The following EXD3 variants were observed in gnomAD, a reference collection of about 807,000 sequenced individuals.
EXD3 encodes exonuclease mut-7 homolog.
EXD3 carries 92 observed loss-of-function variants against 98.0 expected under a neutral mutation model. The ratio of observed to expected loss-of-function variants is 0.94; its 90% CI spans 0.79 to 1.12. The LOEUF is 1.12. Among genes scored for constraint, EXD3 ranks in the 50% most tolerant of loss-of-function variants. The pLI, the probability that EXD3 is intolerant of heterozygous loss-of-function variation, is 0.00. For synonymous variants in EXD3, 569 were observed against 526.0 expected (o/e 1.08, Z -1.12); for missense variants, 1,222 against 1,191.6 (o/e 1.03, Z -0.38).
chr9:137,350,323 C>G (rs1182910886), intron 14 of EXD3, among the ~76,000 whole-genome samples: 2 of 48,796 alleles, frequency 4.1e-5, no homozygotes, highest in Non-Finnish European at 7.8e-5. Context: ...GTGGGGATCA[C>G]GGGGAAGGTT....
chr9:137,375,272 G>A (rs374319603), intron 3 of EXD3, among the ~76,000 whole-genome samples: 21 of 152,248 alleles, frequency 1.4e-4, no homozygotes, highest in African/African-American at 5.1e-4. Flanking sequence ...CTCCCAAAGT[G>A]CTGGGATTAC....
chr9:137,389,531 C>T (rs1019630652), intron 2 of EXD3, among the ~76,000 whole-genome samples: 1 of 152,122 alleles, frequency 6.6e-6, no homozygotes. Flanking sequence ...GCCCACCGTT[C>T]GATGCTGTGG....
chr9:137,353,627 G>A (rs1421897616), intron 10 of EXD3: 25 of 986,008 alleles, frequency 2.5e-5, no homozygotes, highest in Non-Finnish European at 3.0e-5. Context: ...GCCCAGCCCA[G>A]GAGCAGAGGC....
At chr9:137,392,818 G>A in intron 2 of EXD3, 1 of 374,442 alleles carries the variant, frequency 2.7e-6, no homozygotes, top group South Asian at 2.1e-5. Context: ...GGGGGGCGCC[G>A]TGTCTGTTCC....
intron 1 of EXD3, among the ~76,000 whole-genome samples, chr9:137,399,254 G>A (rs929163439): frequency 8.5e-5 from 13 of 152,312 alleles, no homozygotes; most frequent in African/African-American, 2.2e-4. Flanking sequence ...GGGAGACCCC[G>A]GGGCCGTGGC....
chr9:137,351,458 G>C lies in EXD3; in HGVS notation c.1244C>G (p.Ser415Ter). The change falls in exon 13 of 22, where the codon TCA (serine) becomes TGA (stop). Residue 415 changes from serine to a stop codon, truncating the protein, a stop_gained. Coordinates refer to ENST00000340951, the MANE Select transcript of EXD3 (RefSeq NM_017820.5). LOFTEE classifies it high-confidence loss of function. ...VFVAGGRPRP[S>*]LLQVAVEGHV... ...GCCCTCCACGGCCACCTGCAGGAGT[G>C]ACGGCCGAGGCCGGCCCCCAGCAAC... 2.5e-6 allele frequency: 4 copies of C among 1,602,856 alleles called. No homozygotes were observed. Among genetic ancestry groups the C allele is most frequent in the Non-Finnish European group, 3.4e-6 (4 of 1,176,136 alleles).
intron 19 of EXD3, among the ~76,000 whole-genome samples, chr9:137,312,401 G>T (rs1831411695): frequency 6.6e-6 from 1 of 152,186 alleles, no homozygotes; most frequent in Non-Finnish European, 1.5e-5. Flanking sequence ...CAGCCACTGG[G>T]TGCCAACAGC....
chr9:137,380,335 C>T (rs1836172699), intron 3 of EXD3, among the ~76,000 whole-genome samples: 1 of 92,036 alleles, frequency 1.1e-5, no homozygotes, highest in East Asian at 4.0e-4. Flanking sequence ...CTGCCAGTAT[C>T]CCCCCCCACC....
intron 1 of EXD3, among the ~76,000 whole-genome samples, chr9:137,399,893 C>T (rs533000218): frequency 1.2e-3 from 184 of 152,162 alleles, no homozygotes; most frequent in African/African-American, 4.3e-3. Flanking sequence ...AAAAAGCAGC[C>T]AGGCGTGGTG....
chr9:137,313,075 T>C (rs1489998789), intron 19 of EXD3, among the ~76,000 whole-genome samples: 2 of 152,048 alleles, frequency 1.3e-5, no homozygotes, highest in Admixed American at 6.5e-5. Context: ...CAGCTGCACA[T>C]AGCCCCTGCA....
chr9:137,374,800 T>C, intron 3 of EXD3: 1 of 985,508 alleles, frequency 1.0e-6, no homozygotes, highest in South Asian at 4.7e-5. Flanking sequence ...AAACAAAGCC[T>C]GAGCATCTCA....
rs953110919 is a variant in EXD3 at position 137,405,929 on chromosome 9, C to G, written c.-47-10525G>C. Among the ~76,000 whole-genome samples the G allele has an allele frequency of 6.6e-6, 1 of 152,204 alleles. No individual in the cohort carries two copies. The highest frequency in any genetic ancestry group is 2.1e-4 in the South Asian group (1 of 4,832). On this transcript the variant is annotated intron_variant, in intron 1 of 21. Coordinates refer to ENST00000340951, the MANE Select transcript of EXD3 (RefSeq NM_017820.5). This position sits in a 1 kb window ranked among gnomAD's most constrained non-coding sequence, Gnocchi z 4.1. The stretch of plus-strand genomic sequence containing the variant: ...TCTGTGCTCTGAAGAGTGAATAAAA[C>G]GTGAAACTGGCTGGGCACGGTGGCT...
intron 1 of EXD3, among the ~76,000 whole-genome samples, chr9:137,396,765 C>T (rs1025785573): frequency 1.3e-5 from 2 of 152,252 alleles, no homozygotes; most frequent in African/African-American, 2.4e-5. Flanking sequence ...ACGCAGGCTG[C>T]TCCAGACTCC....
At chr9:137,328,262 CAAA>C (rs1832596966) in intron 17 of EXD3, among the ~76,000 whole-genome samples, 2 of 124,068 alleles carry the variant, frequency 1.6e-5, no homozygotes, top group Non-Finnish European at 3.5e-5. Context: ...GTAAAAACAA[CAAA>C]TAAACACCCA....
chr9:137,328,340 T>C lies in EXD3; in HGVS notation c.1999-4197A>G, dbSNP rs201498824. Among the ~76,000 whole-genome samples, 31 of 142,302 alleles carry C rather than the reference T, an allele frequency of 2.2e-4. 6 individuals are homozygous for C. Among genetic ancestry groups the C allele is most frequent in the African/African-American group, 7.2e-4 (26 of 36,070 alleles). 93.4% of individuals were successfully genotyped at this position (142,302 alleles called of 152,430 possible). ...AGTAAAAACAACTAATATACACTCA[T>C]ATGATGAGTAAAAACAACGAATAAA... On this transcript the variant is annotated intron_variant, in intron 17 of 21. Transcript: ENST00000340951.
chr9:137,309,275 G>A (rs1180581673), intron 20 of EXD3, among the ~76,000 whole-genome samples: 3 of 152,122 alleles, frequency 2.0e-5, no homozygotes, highest in South Asian at 2.1e-4. Context: ...GTAGGTGCAC[G>A]TGTGTGTGTG....
At chr9:137,314,616 G>GC (rs1831542173) in intron 19 of EXD3, among the ~76,000 whole-genome samples, 1 of 139,320 alleles carries the variant, frequency 7.2e-6, no homozygotes, top group Non-Finnish European at 1.6e-5. Flanking sequence ...CTGTCCCCCC[G>GC]CCCCCAGGGC....
rs770956168 is a variant in EXD3 at position 137,309,714 on chromosome 9, G to T, written c.2185-14C>A. On this transcript the variant is annotated splice_polypyrimidine_tract_variant and intron_variant, in intron 19 of 21. Coordinates refer to ENST00000340951, the MANE Select transcript of EXD3 (RefSeq NM_017820.5). ...ACAGTTACAGGCCTGGGGGCCAGAG[G>T]GGGTGCTGAGGCCCAGGCGGGGCTT... The T allele has an allele frequency of 1.8e-5, 28 of 1,546,652 alleles. No homozygotes were observed. The Admixed American group carries it at 4.3e-4, about 24-fold the overall frequency.
At chr9:137,383,019 G>C (rs1391503814) in intron 3 of EXD3, among the ~76,000 whole-genome samples, 1 of 152,216 alleles carries the variant, frequency 6.6e-6, no homozygotes. Context: ...TGGCAGTGCT[G>C]GCGACAGCTG....
Sources: allele counts gnomAD v4.1 joint callset (sites outside exome capture counted in the v4.1 genomes callset), GRCh38; gene constraint gnomAD v4.1.1; non-coding constraint Gnocchi (gnomAD v3.1); transcripts MANE v1.5; gene names NCBI Gene and HGNC (gene_info 2026-07-23, HGNC 2026-07-21).